Variants in GID4 observed in about 807,000 individuals in gnomAD.
GID4 encodes the protein glucose-induced degradation protein 4 homolog.
GID4 carries 7 observed loss-of-function variants against 32.4 expected under a neutral mutation model. The ratio of observed to expected loss-of-function variants is 0.22; its 90% CI spans 0.12 to 0.41. The LOEUF (loss-of-function observed/expected upper bound fraction) is 0.41. Among genes scored for constraint, GID4 ranks in the 10% least tolerant of loss-of-function variants. GID4 has a pLI of 1.00. For missense variants in GID4, 309 were observed against 400.0 expected (o/e 0.77, Z 1.94); for synonymous variants, 166 against 170.0 (o/e 0.98, Z 0.18).
chr17:18,047,460 G>A (rs2044865643), intron 2 of GID4, among the ~76,000 whole-genome samples: 1 of 152,222 alleles, frequency 6.6e-6, no homozygotes, highest in South Asian at 2.1e-4. Flanking sequence ...TCGAAATCTT[G>A]AAGAAGTATA....
intron 3 of GID4, among the ~76,000 whole-genome samples, chr17:18,055,141 A>C (rs1418041663): frequency 6.6e-6 from 1 of 151,584 alleles, no homozygotes; most frequent in African/African-American, 2.4e-5. Context: ...ACTGCGCTCC[A>C]GCCTGAGCAA....
At chr17:18,052,904 G>A (rs971487579) in intron 2 of GID4, among the ~76,000 whole-genome samples, 23 of 150,946 alleles carry the variant, frequency 1.5e-4, no homozygotes, top group African/African-American at 4.6e-4. Flanking sequence ...AGAATTAAAC[G>A]TATCCCTATG....
At chr17:18,064,817 G>A (rs769076241) in intron 5 of GID4, among the ~76,000 whole-genome samples, 1 of 152,172 alleles carries the variant, frequency 6.6e-6, no homozygotes, top group Non-Finnish European at 1.5e-5. Flanking sequence ...ATGAGAGCCT[G>A]GCATTACATG....
At chr17:18,057,383 GATC>G (rs1307029541) in intron 3 of GID4, 1 of 212,016 alleles carries the variant, frequency 4.7e-6, no homozygotes, top group Non-Finnish European at 9.6e-6. Flanking sequence ...AGTGAGCTGA[GATC>G]ATGCCATTGC....
At chr17:18,063,128 T>G (rs2045030915) in intron 5 of GID4, among the ~76,000 whole-genome samples, 1 of 134,750 alleles carries the variant, frequency 7.4e-6, no homozygotes, top group Non-Finnish European at 1.6e-5. Flanking sequence ...ATAACAGCTT[T>G]GGTCCGGGCA....
chr17:18,048,827 G>T (rs2044881265), intron 2 of GID4, among the ~76,000 whole-genome samples: 1 of 151,176 alleles, frequency 6.6e-6, no homozygotes, highest in Non-Finnish European at 1.5e-5. Flanking sequence ...ATTTTTAGTA[G>T]AAATGGGGTT....
At chr17:18,062,072 TC>T in intron 5 of GID4, 97 bp downstream of exon 5, 1 of 1,165,384 alleles carries the variant, frequency 8.6e-7, no homozygotes, top group South Asian at 1.3e-5. Context: ...TTAGCCTGTC[TC>T]TGTATAGATT....
intron 3 of GID4, chr17:18,057,197 C>G (rs538445007): frequency 2.6e-6 from 2 of 776,990 alleles, no homozygotes; most frequent in Non-Finnish European, 2.0e-6. Context: ...TTTGGGAGGC[C>G]GAGGCAGATG....
In GID4 at chr17:18,066,397, G is replaced by A. The variant is rs1050928838; in HGVS notation, c.*1154G>A. The A allele has an allele frequency of 7.9e-5, 12 of 152,680 alleles. No homozygotes were observed. Among genetic ancestry groups the A allele is most frequent in the African/African-American group, 2.9e-4 (12 of 41,540 alleles). 9.5% of individuals were successfully genotyped at this position (152,680 alleles called of 1,614,324 possible). A position where few individuals can be genotyped will look rare whatever the true frequency, so the allele number is the denominator to read the frequency against. ...CAGTGACTCTGAAATGTTGGGACAGGGGAAGGGGTGGGAAACATGAACATG... is the reference window on the plus strand; with the variant it reads ...CAGTGACTCTGAAATGTTGGGACAGAGGAAGGGGTGGGAAACATGAACATG... On this transcript the variant is annotated 3_prime_UTR_variant, in exon 6 of 6. Transcript: ENST00000268719.
chr17:18,047,688 T>C (rs2044867908), intron 2 of GID4, among the ~76,000 whole-genome samples: 1 of 152,174 alleles, frequency 6.6e-6, no homozygotes, highest in Admixed American at 6.6e-5. Context: ...GAGTTGCCTG[T>C]TCCTGGTCCA....
At chr17:18,060,671 G>A (rs1028463045) in intron 4 of GID4, among the ~76,000 whole-genome samples, 3 of 151,908 alleles carry the variant, frequency 2.0e-5, no homozygotes, top group African/African-American at 7.3e-5. Flanking sequence ...TCCTGCCTCC[G>A]CCTCCTGAGT....
intron 3 of GID4, chr17:18,056,668 A>G (rs931838022): frequency 5.2e-6 from 8 of 1,537,912 alleles, no homozygotes; most frequent in Non-Finnish European, 6.2e-6. Flanking sequence ...AATACTTGGA[A>G]AGCAACTCTT....
At chr17:18,059,614 C>T (rs2045000975) in intron 4 of GID4, among the ~76,000 whole-genome samples, 1 of 152,078 alleles carries the variant, frequency 6.6e-6, no homozygotes, top group Non-Finnish European at 1.5e-5. Context: ...TATTTACAGC[C>T]CCAGAATAGC....
intron 3 of GID4, among the ~76,000 whole-genome samples, chr17:18,054,509 TC>T (rs2044945591): frequency 6.6e-6 from 1 of 152,086 alleles, no homozygotes; most frequent in African/African-American, 2.4e-5. Context: ...CTTAACAGTG[TC>T]CCCCCATCCT....
At chr17:18,057,896 C>T (rs1255977118) in intron 3 of GID4, among the ~76,000 whole-genome samples, 4 of 151,926 alleles carry the variant, frequency 2.6e-5, no homozygotes, top group African/African-American at 9.7e-5. Flanking sequence ...TGCAGTGGCA[C>T]GATCTCGGCT....
At chr17:18,057,803 G>GA (rs201337766) in intron 3 of GID4, among the ~76,000 whole-genome samples, 3,326 of 147,292 alleles carry the variant, frequency 0.023, 105 homozygotes, top group African/African-American at 0.069. Context: ...GAAAATATTT[G>GA]AAAAAAAAAA....
chr17:18,039,713 G>C lies in GID4; in HGVS notation c.249G>C (p.Ala83=). 6.7e-7 allele frequency: 1 copy of C among 1,488,608 alleles called. No homozygotes were observed. Among genetic ancestry groups the C allele is most frequent in the Non-Finnish European group, 8.9e-7 (1 of 1,118,464 alleles). The allele number at this position is 1,488,608 out of a possible 1,614,324, so 92.2% of individuals were successfully genotyped here. A position where few individuals can be genotyped will look rare whatever the true frequency, so the allele number is the denominator to read the frequency against. ...LPPALAPGDP[A]MPVRTECPPP... ...CAGCCCTGGCTCCGGGGGACCCCGCGATGCCGGTCCGCACCGAGTGTCCCC... is the reference window on the plus strand; with the variant it reads ...CAGCCCTGGCTCCGGGGGACCCCGCCATGCCGGTCCGCACCGAGTGTCCCC... The change falls in exon 1 of 6, where the codon GCG becomes GCC. Residue 83 remains alanine, a synonymous_variant. Transcript: ENST00000268719. This position sits in a 1 kb window ranked among gnomAD's most constrained non-coding sequence, Gnocchi z 5.3.
chr17:18,057,153 C>T, intron 3 of GID4: 6 of 1,257,416 alleles, frequency 4.8e-6, no homozygotes, highest in Non-Finnish European at 6.4e-6. Flanking sequence ...TATGTGACAC[C>T]AGGTGTGGTG....
chr17:18,056,737 T>C (rs2044971007), intron 3 of GID4: 2 of 1,550,618 alleles, frequency 1.3e-6, no homozygotes. Flanking sequence ...CAGACTCTGC[T>C]AGACTGGACT....
Sources: gnomAD v4.1 joint callset for allele counts (sites outside exome capture counted in the v4.1 genomes callset) on GRCh38, gnomAD v4.1.1 for gene constraint, Gnocchi (gnomAD v3.1) non-coding constraint, MANE v1.5 for transcripts, NCBI Gene and HGNC (gene_info 2026-07-23, HGNC 2026-07-21) for gene names.